Variants in FBXW11 observed in about 807,000 individuals in gnomAD.
FBXW11 encodes the protein F-box/WD repeat-containing protein 11.
A neutral mutation model predicts 77.6 loss-of-function variants in FBXW11; 19 were observed. The ratio of observed to expected loss-of-function variants is 0.24; its 90% CI spans 0.17 to 0.36. The LOEUF is 0.36. Ranked by LOEUF, FBXW11 falls within the 10% of genes least tolerant of loss-of-function variation. FBXW11 has a pLI of 1.00. For synonymous variants in FBXW11, 235 were observed against 249.4 expected, an observed-to-expected ratio of 0.94 and a Z score of 0.54; for missense variants, 334 against 704.2, an observed-to-expected ratio of 0.47 and a Z score of 5.95.
At chr5:171,878,224 C>T (rs1287877361) in intron 7 of FBXW11, 95 bp from the exon 8 acceptor site, 1 of 849,166 alleles carries the variant, frequency 1.2e-6, no homozygotes, top group African/African-American at 1.7e-5. Context: ...TAAAATAAAA[C>T]ACACTTGGGT....
intron 6 of FBXW11, 33 bp from the exon 7 acceptor site, chr5:171,891,637 T>C (rs767710499): frequency 3.7e-5 from 59 of 1,600,774 alleles, no homozygotes; most frequent in South Asian, 4.5e-5. Context: ...GATGAGTTTT[T>C]ATGAATCAAC....
intron 11 of FBXW11, among the ~76,000 whole-genome samples, chr5:171,870,020 A>C (rs1757659343): frequency 6.6e-6 from 1 of 152,212 alleles, no homozygotes; most frequent in South Asian, 2.1e-4. Flanking sequence ...AATTTTAAAG[A>C]AATATTATTT....
At chr5:171,899,824 C>T (rs1297806302) in intron 5 of FBXW11, 90 bp downstream of exon 5, 7 of 1,175,530 alleles carry the variant, frequency 6.0e-6, no homozygotes, top group East Asian at 2.4e-5. Context: ...TAGGCCAGCA[C>T]ATTTGCAAGT....
intron 1 of FBXW11, among the ~76,000 whole-genome samples, chr5:171,993,661 C>G (rs1765875323): frequency 6.6e-6 from 1 of 152,070 alleles, no homozygotes; most frequent in South Asian, 2.1e-4. Context: ...ACACACATAT[C>G]ACTGTAAATT....
chr5:171,876,679 G>T lies in FBXW11; in HGVS notation c.972-145C>A. 1.8e-6 allele frequency: 2 copies of T among 1,094,092 alleles called. No homozygotes were observed. The highest frequency in any genetic ancestry group is 1.6e-5 in the African/African-American group (1 of 63,418). The allele number at this position is 1,094,092 out of a possible 1,614,324, so 67.8% of individuals were successfully genotyped here. ...TCTCATGTTGAAATTGATCCTCAAT[G>T]TTGGAGGTGGGGCCTGGCAGGAGAT... is the stretch of plus-strand genomic sequence containing the variant. On this transcript the variant is annotated intron_variant, in intron 8 of 13. Coordinates refer to ENST00000517395, the MANE Select transcript of FBXW11 (RefSeq NM_001378974.1). This position sits in a 1 kb window ranked among gnomAD's most constrained non-coding sequence, Gnocchi z 4.2.
chr5:171,877,974 G>C, intron 8 of FBXW11, 37 bp downstream of exon 8: 1 of 1,473,286 alleles, frequency 6.8e-7, no homozygotes, highest in Non-Finnish European at 9.5e-7. Context: ...CTCAGGGAAG[G>C]CTTACAAGTT....
At chr5:171,981,700 G>C (rs1189474857) in intron 1 of FBXW11, among the ~76,000 whole-genome samples, 1 of 152,164 alleles carries the variant, frequency 6.6e-6, no homozygotes, top group Non-Finnish European at 1.5e-5. Context: ...CCACTACTAA[G>C]TATACCCAAG....
At chr5:171,940,760 C>T (rs143572737) in intron 2 of FBXW11, among the ~76,000 whole-genome samples, 59 of 152,052 alleles carry the variant, frequency 3.9e-4, no homozygotes, top group African/African-American at 1.3e-3. Context: ...TGGTAGCACA[C>T]GCCTATAATC....
intron 2 of FBXW11, among the ~76,000 whole-genome samples, chr5:171,951,857 T>C (rs1005558136): frequency 6.6e-6 from 1 of 152,162 alleles, no homozygotes; most frequent in African/African-American, 2.4e-5. Context: ...GCATTTTAGG[T>C]TTGCTTTTAA....
At chr5:171,961,761 C>T (rs1384928149) in intron 1 of FBXW11, among the ~76,000 whole-genome samples, 1 of 152,150 alleles carries the variant, frequency 6.6e-6, no homozygotes, top group Non-Finnish European at 1.5e-5. Flanking sequence ...ATTCTCCTGC[C>T]TCAGCCTCCC....
At chr5:171,916,515 GC>G (rs1202084446) in intron 2 of FBXW11, 1 of 957,108 alleles carries the variant, frequency 1.0e-6, no homozygotes, top group East Asian at 1.2e-4. Flanking sequence ...AGTGGTGAAA[GC>G]AGTAAGTAAT....
intron 1 of FBXW11, among the ~76,000 whole-genome samples, chr5:171,974,941 C>G (rs1764742204): frequency 6.6e-6 from 1 of 152,106 alleles, no homozygotes; most frequent in East Asian, 1.9e-4. Context: ...ACTACAGGCA[C>G]GCGCCACCAC....
chr5:171,944,024 C>T (rs1313713803), intron 2 of FBXW11, among the ~76,000 whole-genome samples: 1 of 152,036 alleles, frequency 6.6e-6, no homozygotes, highest in Non-Finnish European at 1.5e-5. Context: ...CAAAGATTTA[C>T]GCACAAAGAT....
chr5:171,929,125 T>G (rs745754584), intron 2 of FBXW11, among the ~76,000 whole-genome samples: 1 of 150,086 alleles, frequency 6.7e-6, no homozygotes, highest in Non-Finnish European at 1.5e-5. Context: ...ATCCCAGCAC[T>G]TTAGGAGGCC....
At chr5:171,997,690 T>C (rs914930759) in intron 1 of FBXW11, among the ~76,000 whole-genome samples, 1 of 152,168 alleles carries the variant, frequency 6.6e-6, no homozygotes, top group Non-Finnish European at 1.5e-5. Flanking sequence ...AGAACGCTAA[T>C]ATACAATTTA....
rs181276194 is a variant in FBXW11 at position 171,956,189 on chromosome 5, C to T, written c.147+1408G>A. 7.2e-5 allele frequency among the ~76,000 whole-genome samples: 11 copies of T among 152,256 alleles called. No homozygotes were observed. In the East Asian group the frequency reaches 1.9e-3, roughly 27 times the overall value. ...CAAAAATACACCTATTATAATACAC[C>T]TATTATACACCTATTATAATAACGC... On this transcript the variant is annotated intron_variant, in intron 2 of 13. Transcript: ENST00000517395.
At chr5:171,907,686 T>G (rs1414671651) in intron 4 of FBXW11, among the ~76,000 whole-genome samples, 1 of 152,242 alleles carries the variant, frequency 6.6e-6, no homozygotes, top group Non-Finnish European at 1.5e-5. Flanking sequence ...AATGGTCCAT[T>G]CATTTCATGT....
At chr5:171,880,305 T>C (rs1758414592) in intron 7 of FBXW11, among the ~76,000 whole-genome samples, 1 of 152,244 alleles carries the variant, frequency 6.6e-6, no homozygotes, top group South Asian at 2.1e-4. Context: ...GATCTAGCTG[T>C]CCATTCTGTT....
At position 171,909,165 on chromosome 5, in the gene FBXW11, G is replaced by A. The variant is rs528206548; in HGVS notation, c.436+1407C>T. On this transcript the variant is annotated intron_variant, in intron 4 of 13. Coordinates refer to ENST00000517395, the MANE Select transcript of FBXW11 (RefSeq NM_001378974.1). ...TTCATGATTAATCATATTCAAAGGG[G>A]AGTTCAGCACAGTGGTGCATGCCTG... 2.0e-4 allele frequency among the ~76,000 whole-genome samples: 30 copies of A among 152,152 alleles called. No individual in the cohort carries two copies. The South Asian group carries it at 5.2e-3, about 26-fold the overall frequency.
Sources: gnomAD v4.1 joint callset for allele counts (sites outside exome capture counted in the v4.1 genomes callset) on GRCh38, gnomAD v4.1.1 for gene constraint, Gnocchi (gnomAD v3.1) non-coding constraint, MANE v1.5 for transcripts, NCBI Gene and HGNC (gene_info 2026-07-23, HGNC 2026-07-21) for gene names.